The following NRAP variants were observed in gnomAD, a reference collection of about 807,000 sequenced individuals.
NRAP encodes the protein nebulin-related-anchoring protein.
In NRAP, 189 loss-of-function variants were observed where a neutral mutation model predicts 225.9. The ratio of observed to expected loss-of-function variants is 0.84; its 90% CI spans 0.74 to 0.94. The LOEUF is 0.94. Among genes scored for constraint, NRAP ranks in the 40% least tolerant of loss-of-function variants. The pLI, the probability that NRAP is intolerant of heterozygous loss-of-function variation, is 0.00. For synonymous variants in NRAP, 769 were observed against 790.7 expected (o/e 0.97, Z 0.46); for missense variants, 2,176 against 2,168.7 (o/e 1.00, Z -0.07).
intron 20 of NRAP, among the ~76,000 whole-genome samples, chr10:113,627,581 G>T (rs1199686254): frequency 1.3e-5 from 2 of 152,148 alleles, no homozygotes; most frequent in African/African-American, 4.8e-5. Flanking sequence ...GCCCTAAAGG[G>T]TTATGCTTTT....
chr10:113,625,902 C>T (rs1848262284), intron 21 of NRAP, 145 bp downstream of exon 21: 1 of 557,746 alleles, frequency 1.8e-6, no homozygotes, highest in African/African-American at 1.9e-5. Flanking sequence ...AGCCTGGAAG[C>T]CTGGGGAAAG....
intron 3 of NRAP, among the ~76,000 whole-genome samples, chr10:113,660,951 T>A (rs542944777): frequency 2.0e-5 from 3 of 152,132 alleles, no homozygotes; most frequent in Non-Finnish European, 2.9e-5. Flanking sequence ...TATAACACAA[T>A]AATATTACAG....
chr10:113,625,657 G>A (rs764465038), intron 21 of NRAP, among the ~76,000 whole-genome samples: 5 of 152,144 alleles, frequency 3.3e-5, no homozygotes, highest in Non-Finnish European at 5.9e-5. Flanking sequence ...CCATAAATAC[G>A]CTTATGTGGG....
At chr10:113,593,152 G>A (rs998293098) in intron 38 of NRAP, among the ~76,000 whole-genome samples, 1 of 152,140 alleles carries the variant, frequency 6.6e-6, no homozygotes, top group Non-Finnish European at 1.5e-5. Context: ...GGAGACAGCA[G>A]GAGAGGCGCA....
chr10:113,589,077 C>A lies in NRAP; in HGVS notation c.5091G>T (p.Arg1697=). Residue 1697 remains arginine, a splice_region_variant and synonymous_variant, in exon 42 of 42, where the codon CGG becomes CGT. Coordinates refer to ENST00000359988, the MANE Select transcript of NRAP (RefSeq NM_198060.4). The part of the protein sequence containing the change: ...ARGLGLQGAY[R]GAEAVEAGDH... ...CTCCAGCCTCCACTGCTTCTGCCCCCCGCTGCTGAAATCAAACATACCCCA... is the reference window on the plus strand; with the variant it reads ...CTCCAGCCTCCACTGCTTCTGCCCCACGCTGCTGAAATCAAACATACCCCA... 6.2e-7 allele frequency: 1 copy of A among 1,613,602 alleles called. No individual in the cohort carries two copies.
rs755128039 is a variant in NRAP, at chr10:113,646,992, CT to C, written c.923del (p.Lys308ArgfsTer7). ...YPEEYEEHRG[K>X]GSFPAMITPA... ...GAGTGATCATAGCTGGGAAGCTGCCCTTTCCCCTGTGCTCCTCATACTCCTC... is the reference window on the plus strand; with the variant it reads ...GAGTGATCATAGCTGGGAAGCTGCCCTTCCCCTGTGCTCCTCATACTCCTC... On this transcript the variant is annotated frameshift_variant, in exon 10 of 42. Coordinates refer to ENST00000359988, the MANE Select transcript of NRAP (RefSeq NM_198060.4). LOFTEE classifies it high-confidence loss of function. 4 of 1,614,088 alleles carry C rather than the reference CT, an allele frequency of 2.5e-6. No individual in the cohort carries two copies. The highest frequency in any genetic ancestry group is 3.4e-6 in the Non-Finnish European group (4 of 1,179,942).
Position 113,653,023 on chromosome 10 carries a change from T to TCAATCACCTGTAATAA in NRAP, c.481_482insTTATTACAGGTGATTG (p.Tyr161PhefsTer6). The TCAATCACCTGTAATAA allele has an allele frequency of 1.2e-6, 2 of 1,608,272 alleles. No homozygotes were observed. The highest frequency in any genetic ancestry group is 2.7e-5 in the African/African-American group (2 of 74,062). On this transcript the variant is annotated stop_gained and frameshift_variant, in exon 6 of 42. Transcript: ENST00000359988. LOFTEE classifies it high-confidence loss of function. The stretch of plus-strand genomic sequence containing the variant: ...GCTCCCCTTGCCCCTGGGTTGCTCA[T>TCAATCACCTGTAATAA]AGTCTTCTGTATATTCCTGTTGGTC...
chr10:113,590,923 T>G, intron 39 of NRAP, 34 bp from the exon 40 acceptor site: 1 of 1,595,228 alleles, frequency 6.3e-7, no homozygotes. Context: ...AGATCATGGG[T>G]GCCTACCTCC....
At chr10:113,637,407 C>T (rs1848936294) in intron 14 of NRAP, among the ~76,000 whole-genome samples, 1 of 152,312 alleles carries the variant, frequency 6.6e-6, no homozygotes, top group Admixed American at 6.5e-5. Flanking sequence ...TACCTATACT[C>T]TATAAACCTG....
intron 12 of NRAP, 39 bp from the exon 13 acceptor site, chr10:113,641,511 T>C: frequency 8.1e-7 from 1 of 1,234,788 alleles, no homozygotes. Flanking sequence ...AAGCATTCCC[T>C]TCACAAGTAG....
intron 14 of NRAP, among the ~76,000 whole-genome samples, chr10:113,635,226 C>T (rs1299682151): frequency 1.3e-5 from 2 of 152,156 alleles, no homozygotes; most frequent in African/African-American, 4.8e-5. Flanking sequence ...ACACACCTGA[C>T]CAAGATCCAC....
In NRAP at chr10:113,606,274, A is replaced by G. The variant is rs763011761; in HGVS notation, c.3711T>C (p.Tyr1237=). The change falls in exon 33 of 42, where the codon TAT becomes TAC. Residue 1237 remains tyrosine, a synonymous_variant. Coordinates refer to ENST00000359988, the MANE Select transcript of NRAP (RefSeq NM_198060.4). ...FSNQITNERL[Y]KAAGEDARHE... Reference sequence around the variant, plus strand: ...GTCTTGCATCCTCTCCAGCTGCTTTATAGAGGCGCTAGGCCAAAAAAATAT... The same window carrying G: ...GTCTTGCATCCTCTCCAGCTGCTTTGTAGAGGCGCTAGGCCAAAAAAATAT... The G allele has an allele frequency of 6.2e-7, 1 of 1,611,596 alleles. No individual in the cohort carries two copies.
At chr10:113,662,856 A>G (rs2134231310) in intron 2 of NRAP, 90 bp from the exon 3 acceptor site, 2 of 588,810 alleles carry the variant, frequency 3.4e-6, no homozygotes, top group East Asian at 6.5e-5. Context: ...AAATAATAAC[A>G]GTTATTTTTA....
chr10:113,637,420 T>C (rs557737068), intron 14 of NRAP, among the ~76,000 whole-genome samples: 1 of 152,346 alleles, frequency 6.6e-6, no homozygotes, highest in South Asian at 2.1e-4. Context: ...TAAACCTGGT[T>C]TGCCAAAGCT....
intron 37 of NRAP, among the ~76,000 whole-genome samples, chr10:113,596,670 C>T (rs1049569748): frequency 3.3e-5 from 5 of 152,124 alleles, no homozygotes; most frequent in Non-Finnish European, 7.3e-5. Flanking sequence ...TCTGACCTAG[C>T]CTTTGGCAAG....
rs768615034 is a variant in NRAP, at chr10:113,610,583, C to G, written c.3499-20G>C. 15 of 1,470,778 alleles carry G rather than the reference C, an allele frequency of 1.0e-5. No individual in the cohort carries two copies. The highest frequency in any genetic ancestry group is 3.4e-5 in the Admixed American group (2 of 59,688). 91.1% of individuals were successfully genotyped at this position (1,470,778 alleles called of 1,614,324 possible). Reference sequence around the variant, plus strand: ...CAAATTCTAGAAGAAATAATAAATACAAAGAATCAGAAAAGCCAAGCTCTC... The same window carrying G: ...CAAATTCTAGAAGAAATAATAAATAGAAAGAATCAGAAAAGCCAAGCTCTC... On this transcript the variant is annotated intron_variant, in intron 30 of 41. Transcript: ENST00000359988.
At position 113,589,638 on chromosome 10, in the gene NRAP, AG is replaced by A. The variant is rs11196388; in HGVS notation, c.5088+27del. Reference sequence around the variant, plus strand: ...GTCTTTCCCCATGGCCTTGCAAGCCAGGGGTGGCTTTGCAGCTTGCTACTCA... The same window carrying A: ...GTCTTTCCCCATGGCCTTGCAAGCCAGGGTGGCTTTGCAGCTTGCTACTCA... On this transcript the variant is annotated intron_variant, in intron 41 of 41. Coordinates refer to ENST00000359988, the MANE Select transcript of NRAP (RefSeq NM_198060.4). 1 allele frequency: 1,599,966 copies of A among 1,604,714 alleles called. 797,681 individuals are homozygous for A. The highest frequency in any genetic ancestry group is 1 in the East Asian group (44,806 of 44,806).
In NRAP at chr10:113,620,643, A is replaced by T. The variant is rs1847928979; in HGVS notation, c.2835T>A (p.Asn945Lys). 8 of 1,613,498 alleles carry T rather than the reference A, an allele frequency of 5.0e-6. No homozygotes were observed. The Admixed American group carries it at 5.0e-5, about 10-fold the overall frequency. Reference protein sequence around the residue: ...GMGWVATGSLNVEQAKKAGEL... With the variant: ...GMGWVATGSLKVEQAKKAGEL... ...CTCCTGCCTTCTTCGCCTGCTCCAC[A>T]TTTAATGACCCGGTGGCGACCCAGC... The change falls in exon 25 of 42, where the codon AAT becomes AAA. Residue 945 changes from asparagine to lysine, a missense_variant. Asn to Lys is a moderately conservative substitution (Grantham distance 94). This residue lies in a region of NRAP where 1,708 missense variants were observed against 1,695.5 expected (regional missense o/e 1.01). Coordinates refer to ENST00000359988, the MANE Select transcript of NRAP (RefSeq NM_198060.4).
chr10:113,662,865 T>TA (rs1203687817), intron 2 of NRAP, 99 bp from the exon 3 acceptor site: 15 of 564,366 alleles, frequency 2.7e-5, no homozygotes, highest in African/African-American at 1.8e-4. Context: ...CAGTTATTTT[T>TA]AAAAAATCAA....
Sources: allele counts gnomAD v4.1 joint callset (sites outside exome capture counted in the v4.1 genomes callset), GRCh38; gene constraint gnomAD v4.1.1; regional missense constraint gnomAD v4.1.1; transcripts MANE v1.5; gene names NCBI Gene and HGNC (gene_info 2026-07-23, HGNC 2026-07-21).